Variants in ETNPPL observed in about 807,000 individuals in gnomAD.
The protein encoded by ETNPPL is alanine--glyoxylate aminotransferase 2-like 1.
In ETNPPL, 30 loss-of-function variants were observed where a neutral mutation model predicts 55.5. The ratio of observed to expected loss-of-function variants is 0.54; its 90% CI spans 0.40 to 0.73. ETNPPL has a LOEUF of 0.73. Ranked by LOEUF, ETNPPL falls within the 30% of genes least tolerant of loss-of-function variation. The probability of loss-of-function intolerance (pLI) is 0.00; values close to 1 mark genes in which losing one functional copy is unlikely to be tolerated. For synonymous variants in ETNPPL, 202 were observed against 207.2 expected, an observed-to-expected ratio of 0.98 and a Z score of 0.21; for missense variants, 528 against 607.9, an observed-to-expected ratio of 0.87 and a Z score of 1.38.
chr4:108,744,028 C>T (rs906792597), intron 11 of ETNPPL, among the ~76,000 whole-genome samples, 172 bp from the exon 12 acceptor site: 1 of 152,168 alleles, frequency 6.6e-6, no homozygotes, highest in Non-Finnish European at 1.5e-5. Flanking sequence ...TTCGGGAGGC[C>T]GAAGAGGGCG....
In ETNPPL at chr4:108,756,335, T is replaced by C. The variant is rs1247210526; in HGVS notation, c.410+83A>G. On this transcript the variant is annotated intron_variant, in intron 4 of 12. Transcript: ENST00000296486. ...TATATCTGTCCTCTTTCACATGCGT[T>C]CATGGTATTAGTATGGATAGGATCA... 5.5e-6 allele frequency: 5 copies of C among 905,294 alleles called. No individual in the cohort carries two copies. The East Asian group carries it at 1.2e-4, about 22-fold the overall frequency. The allele number at this position is 905,294 out of a possible 1,614,324, so 56.1% of individuals were successfully genotyped here.
intron 1 of ETNPPL, 30 bp from the exon 2 acceptor site, chr4:108,760,336 C>T (rs745843200): frequency 8.1e-7 from 1 of 1,233,412 alleles, no homozygotes; most frequent in Admixed American, 1.7e-5. Context: ...ACACTTTGGT[C>T]TGGTAGGACT....
chr4:108,755,318 A>C (rs1729146986), intron 4 of ETNPPL, among the ~76,000 whole-genome samples: 1 of 152,212 alleles, frequency 6.6e-6, no homozygotes, highest in African/African-American at 2.4e-5. Context: ...CATGGATTAA[A>C]GACTTAAATT....
Position 108,749,390 on chromosome 4 carries a change from A to G in ETNPPL, c.775T>C (p.Phe259Leu). 6.2e-7 allele frequency: 1 copy of G among 1,614,146 alleles called. No individual in the cohort carries two copies. Among genetic ancestry groups the G allele is most frequent in the Non-Finnish European group, 8.5e-7 (1 of 1,180,022 alleles). ...QVGFGRVGKH[F>L]WSFQMYGEDF... ...TCACCATACATCTGGAAGCTCCAGA[A>G]ATGTTTCCCAACTCTGCCAAAGCCC... The change falls in exon 8 of 13, where the codon TTC becomes CTC. Residue 259 changes from phenylalanine to leucine, a missense_variant. Phe to Leu is a conservative substitution (Grantham distance 22). Transcript: ENST00000296486.
chr4:108,753,974 T>C (rs1729075246), intron 5 of ETNPPL, among the ~76,000 whole-genome samples: 1 of 105,660 alleles, frequency 9.5e-6, no homozygotes, highest in Non-Finnish European at 1.8e-5. Context: ...TTTTCTTTTC[T>C]TTTTTTTTTT....
rs143861121 is a variant in ETNPPL at position 108,751,004 on chromosome 4, A to G, written c.633T>C (p.Ile211=). The G allele has an allele frequency of 1.4e-4, 223 of 1,612,938 alleles. No individual in the cohort carries two copies. The highest frequency in any genetic ancestry group is 1.8e-4 in the Non-Finnish European group (217 of 1,179,198). Residue 211 remains isoleucine (I), a synonymous_variant, in exon 7 of 13, where the codon ATT becomes ATC. Transcript: ENST00000296486. ...HNSGRKIAAF[I]AESMQSCGGQ... is the part of the protein sequence containing the mutation. ...CGCCACAACTCTGCATGGATTCAGC[A>G]ATAAAGGCAGCAATCTATACAAGAG...
At chr4:108,761,742 G>T (rs1252564473) in intron 1 of ETNPPL, among the ~76,000 whole-genome samples, 1 of 152,192 alleles carries the variant, frequency 6.6e-6, no homozygotes, top group African/African-American at 2.4e-5. Flanking sequence ...TTGATTAATG[G>T]GGAAAGAACT....
At chr4:108,758,838 G>A (rs1729359093) in intron 3 of ETNPPL, among the ~76,000 whole-genome samples, 1 of 152,126 alleles carries the variant, frequency 6.6e-6, no homozygotes. Context: ...ATCACCTGAG[G>A]TCGGGAGTTT....
intron 5 of ETNPPL, among the ~76,000 whole-genome samples, chr4:108,753,749 T>TGAAAGAAAGAAAGA (rs1729026482): frequency 1.3e-5 from 1 of 76,712 alleles, no homozygotes; most frequent in East Asian, 4.5e-4. Context: ...CTCAAATAAA[T>TGAAAGAAAGAAAGA]AAGAAAGAAA....
chr4:108,742,634 C>A (rs1316061440), intron 12 of ETNPPL, 22 bp from the exon 13 acceptor site: 1 of 1,613,136 alleles, frequency 6.2e-7, no homozygotes, highest in African/African-American at 1.3e-5. Flanking sequence ...GCACACAAAG[C>A]TCCAGTGGGC....
intron 1 of ETNPPL, 28 bp downstream of exon 1, chr4:108,762,815 A>G: frequency 1.9e-6 from 3 of 1,613,046 alleles, no homozygotes; most frequent in Non-Finnish European, 2.5e-6. Flanking sequence ...CCCTCTCTGC[A>G]CTTACTTCCG....
chr4:108,751,097 G>T, intron 6 of ETNPPL, 79 bp from the exon 7 acceptor site: 1 of 976,076 alleles, frequency 1.0e-6, no homozygotes, highest in Non-Finnish European at 1.6e-6. Context: ...TATAGAGCAG[G>T]TTATTTTAAA....
chr4:108,750,224 A>C (rs368718931), intron 7 of ETNPPL, among the ~76,000 whole-genome samples: 1 of 152,174 alleles, frequency 6.6e-6, no homozygotes, highest in African/African-American at 2.4e-5. Flanking sequence ...CATTTGAGTC[A>C]GTGGGCTGGG....
intron 11 of ETNPPL, 30 bp from the exon 12 acceptor site, chr4:108,743,886 C>T: frequency 6.8e-7 from 1 of 1,464,920 alleles, no homozygotes; most frequent in Non-Finnish European, 9.4e-7. Context: ...ATGGAGAAGA[C>T]AAAATAACAT....
In ETNPPL at chr4:108,753,000, T is replaced by C. The variant is rs769469536; in HGVS notation, c.513A>G (p.Pro171=). Reference sequence around the variant, plus strand: ...CTCTATATTTTCCTCTGTAAGTATCTGGAGTTGGTGCCTGAAAACATCAAA... The same window carrying C: ...CTCTATATTTTCCTCTGTAAGTATCCGGAGTTGGTGCCTGAAAACATCAAA... ...KKEFVHVAPT[P]DTYRGKYRED... The change falls in exon 6 of 13, where the codon CCA becomes CCG. Residue 171 remains proline (P), a synonymous_variant. Transcript: ENST00000296486. 65 of 1,598,772 alleles carry C rather than the reference T, an allele frequency of 4.1e-5. No homozygotes were observed. Among genetic ancestry groups the C allele is most frequent in the Admixed American group, 1.2e-4 (7 of 58,962 alleles).
At chr4:108,751,193 T>C (rs1199613272) in intron 6 of ETNPPL, among the ~76,000 whole-genome samples, 175 bp from the exon 7 acceptor site, 2 of 152,172 alleles carry the variant, frequency 1.3e-5, no homozygotes, top group African/African-American at 4.8e-5. Flanking sequence ...GGAAAAGCAA[T>C]TGATTTAAAG....
intron 9 of ETNPPL, among the ~76,000 whole-genome samples, chr4:108,747,137 TA>T (rs1410811246): frequency 3.2e-4 from 9 of 28,522 alleles, no homozygotes; most frequent in South Asian, 2.6e-3. Context: ...TATATATATA[TA>T]TATATATATA....
intron 2 of ETNPPL, 127 bp from the exon 3 acceptor site, chr4:108,760,035 C>T (rs1352562080): frequency 8.5e-7 from 1 of 1,177,730 alleles, no homozygotes; most frequent in East Asian, 2.3e-5. Flanking sequence ...CTTTCTCTTC[C>T]ATATTTTGCT....
chr4:108,747,177 TATAA>T (rs1472429790), intron 9 of ETNPPL, among the ~76,000 whole-genome samples: 1 of 11,580 alleles, frequency 8.6e-5, no homozygotes, highest in Non-Finnish European at 1.2e-4. Context: ...TATATATATA[TATAA>T]TATATATATA....
Sources: allele counts gnomAD v4.1 joint callset (sites outside exome capture counted in the v4.1 genomes callset), GRCh38; gene constraint gnomAD v4.1.1; transcripts MANE v1.5; gene names NCBI Gene and HGNC (gene_info 2026-07-23, HGNC 2026-07-21).